SNX10: variants seen among roughly 807,000 people sequenced by gnomAD.
SNX10 encodes the protein sorting nexin 10.
A neutral mutation model predicts 28.5 loss-of-function variants in SNX10; 25 were observed. The observed-to-expected ratio is 0.88, with a 90% CI of 0.64 to 1.22. The LOEUF (loss-of-function observed/expected upper bound fraction) is 1.22, where lower values mean the gene tolerates loss of function less well. Among genes scored for constraint, SNX10 ranks in the 50% most tolerant of loss-of-function variants. SNX10 has a pLI of 0.00. For synonymous variants in SNX10, 62 were observed against 81.4 expected (o/e 0.76, Z 1.28); for missense variants, 223 against 242.6 (o/e 0.92, Z 0.54).
At chr7:26,341,170 G>C (rs1258368246) in intron 1 of SNX10, among the ~76,000 whole-genome samples, 1 of 152,044 alleles carries the variant, frequency 6.6e-6, no homozygotes, top group Admixed American at 6.6e-5. Context: ...ATGGTGGCTT[G>C]TTCCTGTAGT....
chr7:26,354,530 T>TTTTAAATGTTTG (rs567641630), intron 2 of SNX10, among the ~76,000 whole-genome samples: 2 of 152,170 alleles, frequency 1.3e-5, no homozygotes, highest in African/African-American at 4.8e-5. Context: ...TTTAATTAGT[T>TTTTAAATGTTTG]TTTAAATGTT....
chr7:26,334,787 A>G (rs1787859918), intron 1 of SNX10, among the ~76,000 whole-genome samples: 1 of 152,046 alleles, frequency 6.6e-6, no homozygotes, highest in African/African-American at 2.4e-5. Context: ...ACTTAAATGC[A>G]ATTTTATTTG....
intron 1 of SNX10, among the ~76,000 whole-genome samples, chr7:26,326,688 A>G (rs2128002506): frequency 6.6e-6 from 1 of 152,254 alleles, no homozygotes; most frequent in Non-Finnish European, 1.5e-5. Context: ...GAATAATATT[A>G]GTACCTATCA....
Position 26,331,782 on chromosome 7 carries a change from C to T in SNX10, c.-23-14638C>T, listed in dbSNP as rs1218421302. Among the ~76,000 whole-genome samples, 5 of 152,156 alleles carry T rather than the reference C, an allele frequency of 3.3e-5. No individual in the cohort carries two copies. In the East Asian group the frequency reaches 9.6e-4, roughly 29 times the overall value. The stretch of plus-strand genomic sequence containing the variant: ...CTTCTCCCAGTCCCAGTCCCAGTAG[C>T]TACAAGCAACCAGTAGTCTATGTTC... On this transcript the variant is annotated intron_variant, in intron 1 of 6. Coordinates refer to ENST00000338523, the MANE Select transcript of SNX10 (RefSeq NM_013322.3).
intron 2 of SNX10, among the ~76,000 whole-genome samples, chr7:26,349,145 T>C (rs750154633): frequency 1.3e-5 from 2 of 152,182 alleles, no homozygotes; most frequent in South Asian, 2.1e-4. Flanking sequence ...GTATGACTGA[T>C]TGTTTTGGAA....
chr7:26,353,214 C>G (rs1440244884), intron 2 of SNX10, among the ~76,000 whole-genome samples: 2 of 152,118 alleles, frequency 1.3e-5, no homozygotes, highest in African/African-American at 2.4e-5. Context: ...TAAACATACT[C>G]CATGCTGTAG....
intron 1 of SNX10, among the ~76,000 whole-genome samples, chr7:26,299,860 G>C (rs1048164394): frequency 2.6e-5 from 4 of 152,168 alleles, no homozygotes; most frequent in African/African-American, 9.6e-5. Context: ...CTGGGAATTT[G>C]AGATCAGCCT....
At chr7:26,337,131 A>G (rs1487435729) in intron 1 of SNX10, among the ~76,000 whole-genome samples, 3 of 152,214 alleles carry the variant, frequency 2.0e-5, no homozygotes, top group Non-Finnish European at 2.9e-5. Context: ...GAAATTTCTA[A>G]TTTTAAAGAA....
rs1381358805 is a variant in SNX10, at chr7:26,373,270, T to C, written c.*698T>C. On this transcript the variant is annotated 3_prime_UTR_variant, in exon 7 of 7. Transcript: ENST00000338523. This position sits in a 1 kb window ranked among gnomAD's most constrained non-coding sequence, Gnocchi z 4.2. The stretch of plus-strand genomic sequence containing the variant: ...TAGATTCAGAAATACATTTTCATTA[T>C]CCAAAATCAGCTTCAACAAATGGTT... 6.6e-6 allele frequency: 1 copy of C among 152,138 alleles called. No homozygotes were observed. Among genetic ancestry groups the C allele is most frequent in the African/African-American group, 2.4e-5 (1 of 41,462 alleles). The allele number at this position is 152,138 out of a possible 1,614,324, so 9.4% of individuals were successfully genotyped here. A position where few individuals can be genotyped will look rare whatever the true frequency, so the allele number is the denominator to read the frequency against.
At chr7:26,338,110 CTTTT>C (rs55920968) in intron 1 of SNX10, among the ~76,000 whole-genome samples, 21 of 129,246 alleles carry the variant, frequency 1.6e-4, no homozygotes, top group South Asian at 5.1e-4. Context: ...TTCCTTTGTC[CTTTT>C]TTTTTTTTTT....
At chr7:26,338,871 G>A (rs1303085206) in intron 1 of SNX10, among the ~76,000 whole-genome samples, 2 of 152,204 alleles carry the variant, frequency 1.3e-5, no homozygotes, top group African/African-American at 4.8e-5. Context: ...ACCACTCTGG[G>A]TGATATCAGC....
chr7:26,312,612 C>T (rs1367613176), intron 1 of SNX10, among the ~76,000 whole-genome samples: 2 of 152,090 alleles, frequency 1.3e-5, no homozygotes, highest in Non-Finnish European at 2.9e-5. Flanking sequence ...GGTGAAACCC[C>T]GTCTCTACTA....
intron 1 of SNX10, among the ~76,000 whole-genome samples, chr7:26,306,238 G>C (rs924766034): frequency 6.6e-6 from 1 of 152,016 alleles, no homozygotes; most frequent in African/African-American, 2.4e-5. Context: ...ACTTTCTTGT[G>C]TTACTTATCT....
chr7:26,340,971 C>T (rs1204587122), intron 1 of SNX10, among the ~76,000 whole-genome samples: 6 of 152,106 alleles, frequency 3.9e-5, no homozygotes, highest in Non-Finnish European at 8.8e-5. Flanking sequence ...ATGTGGAAAC[C>T]AAGCCACGCC....
chr7:26,365,202 G>T, intron 5 of SNX10, 57 bp downstream of exon 5: 1 of 988,642 alleles, frequency 1.0e-6, no homozygotes, highest in Non-Finnish European at 1.6e-6. Flanking sequence ...TGCTTTACAA[G>T]AGCTGCATGG....
At chr7:26,313,738 T>C (rs1250435979) in intron 1 of SNX10, among the ~76,000 whole-genome samples, 2 of 152,080 alleles carry the variant, frequency 1.3e-5, no homozygotes, top group African/African-American at 4.8e-5. Context: ...AAAAAAAATG[T>C]GAAATTGAGC....
chr7:26,345,087 G>A (rs1471511444), intron 1 of SNX10, among the ~76,000 whole-genome samples: 1 of 152,190 alleles, frequency 6.6e-6, no homozygotes, highest in Admixed American at 6.5e-5. Flanking sequence ...CTTGCCATCA[G>A]ATTTAGGGTT....
chr7:26,322,595 A>G (rs1787352002), intron 1 of SNX10, among the ~76,000 whole-genome samples: 1 of 152,226 alleles, frequency 6.6e-6, no homozygotes, highest in African/African-American at 2.4e-5. Context: ...CAAAGCCAAA[A>G]TTTAATTCCT....
At chr7:26,303,015 G>A (rs1227166092) in intron 1 of SNX10, among the ~76,000 whole-genome samples, 1 of 152,074 alleles carries the variant, frequency 6.6e-6, no homozygotes, top group Non-Finnish European at 1.5e-5. Flanking sequence ...GAGAATGAGA[G>A]GACCCTAAAG....
Sources: gnomAD v4.1 joint callset for allele counts (sites outside exome capture counted in the v4.1 genomes callset) on GRCh38, gnomAD v4.1.1 for gene constraint, Gnocchi (gnomAD v3.1) non-coding constraint, MANE v1.5 for transcripts, NCBI Gene and HGNC (gene_info 2026-07-23, HGNC 2026-07-21) for gene names.